RIMS2: variants seen among roughly 807,000 people sequenced by gnomAD.
The protein encoded by RIMS2 is regulating synaptic membrane exocytosis protein 2.
RIMS2 carries 59 observed loss-of-function variants against 174.4 expected under a neutral mutation model. The ratio of observed to expected loss-of-function variants is 0.34; its 90% CI spans 0.27 to 0.42. The LOEUF is 0.42. Ranked by LOEUF, RIMS2 falls within the 10% of genes least tolerant of loss-of-function variation. The pLI is 1.00. For synonymous variants in RIMS2, 606 were observed against 572.5 expected (o/e 1.06, Z -0.84); for missense variants, 1,620 against 1,666.3 (o/e 0.97, Z 0.48).
At chr8:103,542,272 C>G (rs1842898371) in intron 1 of RIMS2, among the ~76,000 whole-genome samples, 1 of 152,110 alleles carries the variant, frequency 6.6e-6, no homozygotes, top group South Asian at 2.1e-4. Context: ...CACATGTAAT[C>G]TACCAGGACT....
In RIMS2 at chr8:104,079,598, G is replaced by GATATATATATATAT. The variant is rs5893676; in HGVS notation, c.3334+65014_3334+65027dup. Reference sequence around the variant, plus strand: ...TCACATAACTGAAAGGATTAAGCATGATATATATATATATATATATATATA... The same window carrying GATATATATATATAT: ...TCACATAACTGAAAGGATTAAGCATGATATATATATATATATATATATATATATATATATATATA... On this transcript the variant is annotated intron_variant, in intron 19 of 23. Coordinates refer to ENST00000504942, the Ensembl canonical transcript of RIMS2. Among the ~76,000 whole-genome samples, 15 of 50,992 alleles carry GATATATATATATAT rather than the reference G, an allele frequency of 2.9e-4. 1 individual carries two copies. Among genetic ancestry groups the GATATATATATATAT allele is most frequent in the South Asian group, 7.0e-4 (1 of 1,422 alleles). 33.5% of individuals were successfully genotyped at this position (50,992 alleles called of 152,430 possible).
At chr8:104,173,068 C>G (rs1164488559) in intron 19 of RIMS2, among the ~76,000 whole-genome samples, 2 of 152,160 alleles carry the variant, frequency 1.3e-5, no homozygotes, top group Non-Finnish European at 2.9e-5. Context: ...TTTTTGTAGT[C>G]TCTGCATAAA....
At chr8:103,980,239 C>T (rs2093782752) in intron 16 of RIMS2, among the ~76,000 whole-genome samples, 1 of 152,112 alleles carries the variant, frequency 6.6e-6, no homozygotes, top group Non-Finnish European at 1.5e-5. Context: ...TCTTGCATAC[C>T]AGCTCAGCCA....
intron 3 of RIMS2, among the ~76,000 whole-genome samples, chr8:103,818,693 A>G (rs751211928): frequency 1.2e-4 from 18 of 152,204 alleles, no homozygotes; most frequent in Non-Finnish European, 2.2e-4. Context: ...AATTATGTGA[A>G]TAACCATGTA....
chr8:103,671,971 G>A (rs770900014), intron 1 of RIMS2, among the ~76,000 whole-genome samples: 2 of 151,918 alleles, frequency 1.3e-5, no homozygotes, highest in Non-Finnish European at 2.9e-5. Flanking sequence ...AGTAGTTTGA[G>A]GTCACAAAAA....
chr8:104,067,968 C>G (rs527413044), intron 19 of RIMS2, among the ~76,000 whole-genome samples: 2 of 152,124 alleles, frequency 1.3e-5, no homozygotes, highest in Admixed American at 6.6e-5. Flanking sequence ...TTACAAGAAC[C>G]TCTTTGTTGA....
intron 1 of RIMS2, among the ~76,000 whole-genome samples, chr8:103,546,321 A>C (rs530185251): frequency 1.3e-5 from 2 of 152,342 alleles, no homozygotes; most frequent in South Asian, 4.1e-4. Context: ...CAATTCAGCA[A>C]CAAGAGTTAA....
At chr8:103,607,145 G>C (rs1485692277) in intron 1 of RIMS2, among the ~76,000 whole-genome samples, 1 of 152,132 alleles carries the variant, frequency 6.6e-6, no homozygotes, top group Non-Finnish European at 1.5e-5. Context: ...GGTGCCGGTT[G>C]TTCCTTTCCA....
chr8:104,070,764 A>T (rs993993987), intron 19 of RIMS2, among the ~76,000 whole-genome samples: 6 of 152,200 alleles, frequency 3.9e-5, no homozygotes, highest in Non-Finnish European at 8.8e-5. Context: ...GATGATTTAT[A>T]AAAATACTTA....
At chr8:103,717,138 C>CTTTTTTTTTTTTTTTTTT (rs11373218) in intron 2 of RIMS2, among the ~76,000 whole-genome samples, 5 of 113,110 alleles carry the variant, frequency 4.4e-5, no homozygotes, top group Admixed American at 1.0e-4. Flanking sequence ...ATAGTGCCTT[C>CTTTTTTTTTTTTTTTTTT]TTTTTTTTTT....
At chr8:104,197,048 A>C (rs767476612) in intron 19 of RIMS2, among the ~76,000 whole-genome samples, 14 of 152,170 alleles carry the variant, frequency 9.2e-5, no homozygotes, top group Non-Finnish European at 1.2e-4. Context: ...AGAACCTAAA[A>C]ATTAAGACAT....
chr8:103,938,939 A>G (rs2081935322), intron 13 of RIMS2, among the ~76,000 whole-genome samples: 1 of 152,170 alleles, frequency 6.6e-6, no homozygotes, highest in Admixed American at 6.5e-5. Context: ...GTGGGTTCCC[A>G]TGGTCTTGGG....
chr8:103,773,825 T>C (rs187048446), intron 3 of RIMS2, among the ~76,000 whole-genome samples: 1 of 152,296 alleles, frequency 6.6e-6, no homozygotes, highest in East Asian at 1.9e-4. Flanking sequence ...ACTTACCTTT[T>C]GTGAGAATTC....
chr8:104,189,084 A>T (rs545579822), intron 19 of RIMS2, among the ~76,000 whole-genome samples: 1 of 151,994 alleles, frequency 6.6e-6, no homozygotes, highest in Non-Finnish European at 1.5e-5. Context: ...TATTTTGTGT[A>T]TTTCAAAAGT....
At chr8:104,240,474 T>G (rs1222220823) in intron 19 of RIMS2, among the ~76,000 whole-genome samples, 5 of 152,172 alleles carry the variant, frequency 3.3e-5, no homozygotes, top group Non-Finnish European at 7.4e-5. Context: ...ACTTTTAAAA[T>G]AAGCCTATAA....
chr8:103,525,398 A>G (rs1189195278), intron 1 of RIMS2, among the ~76,000 whole-genome samples: 1 of 152,232 alleles, frequency 6.6e-6, no homozygotes, highest in Non-Finnish European at 1.5e-5. Context: ...AGCTCTGGAT[A>G]GCTGTTTGCA....
intron 1 of RIMS2, among the ~76,000 whole-genome samples, chr8:103,572,103 A>T (rs184946238): frequency 1.3e-5 from 2 of 152,258 alleles, no homozygotes; most frequent in East Asian, 3.9e-4. Flanking sequence ...TCCGATGTTC[A>T]GAAGTGTCTG....
chr8:103,601,185 C>T (rs1170269715), intron 1 of RIMS2, among the ~76,000 whole-genome samples: 1 of 152,070 alleles, frequency 6.6e-6, no homozygotes, highest in African/African-American at 2.4e-5. Context: ...TTTATTGTAT[C>T]CTTTGCTATA....
chr8:103,697,484 G>A (rs1394959226), intron 2 of RIMS2, among the ~76,000 whole-genome samples, 188 bp downstream of exon 4: 3 of 151,774 alleles, frequency 2.0e-5, no homozygotes, highest in Non-Finnish European at 2.9e-5. Flanking sequence ...CAAGGCGGGC[G>A]GATCACTTTA....
Sources: gnomAD v4.1 joint callset for allele counts (sites outside exome capture counted in the v4.1 genomes callset) on GRCh38, gnomAD v4.1.1 for gene constraint, MANE v1.5 for transcripts, NCBI Gene and HGNC (gene_info 2026-07-23, HGNC 2026-07-21) for gene names.